NKAIN2: variants seen among roughly 807,000 people sequenced by gnomAD.
The protein encoded by NKAIN2 is sodium/potassium-transporting ATPase subunit beta-1-interacting protein 2.
Under a neutral mutation model 32.6 loss-of-function variants are expected in NKAIN2, and 14 were observed. That is an observed-to-expected ratio of 0.43 (90% CI 0.28 to 0.67). NKAIN2 has a LOEUF of 0.67. Among genes scored for constraint, NKAIN2 ranks in the 30% least tolerant of loss-of-function variants. The probability of loss-of-function intolerance (pLI) is 0.17; values close to 1 mark genes in which losing one functional copy is unlikely to be tolerated. For synonymous variants in NKAIN2, 80 were observed against 87.2 expected (o/e 0.92, Z 0.46); for missense variants, 198 against 258.3 (o/e 0.77, Z 1.60).
At chr6:123,851,002 T>A (rs1775319385) in intron 1 of NKAIN2, among the ~76,000 whole-genome samples, 1 of 152,180 alleles carries the variant, frequency 6.6e-6, no homozygotes, top group Non-Finnish European at 1.5e-5. Flanking sequence ...TTACATATTT[T>A]TTTCGTAAAT....
chr6:124,478,620 G>A (rs1260556808), intron 3 of NKAIN2, among the ~76,000 whole-genome samples: 1 of 152,152 alleles, frequency 6.6e-6, no homozygotes, highest in African/African-American at 2.4e-5. Context: ...AAAATAAATA[G>A]CATAGTATTA....
intron 3 of NKAIN2, among the ~76,000 whole-genome samples, chr6:124,538,944 C>A (rs1218462735): frequency 6.6e-6 from 1 of 152,008 alleles, no homozygotes; most frequent in Non-Finnish European, 1.5e-5. Context: ...TGTAAACTTG[C>A]TCTTTTTTAA....
intron 1 of NKAIN2, among the ~76,000 whole-genome samples, chr6:124,260,654 T>G (rs1020704548): frequency 6.6e-6 from 1 of 152,160 alleles, no homozygotes; most frequent in Admixed American, 6.6e-5. Flanking sequence ...CCTTTTACTC[T>G]GACATGGGAA....
At chr6:124,298,912 A>G (rs551201724) in intron 2 of NKAIN2, among the ~76,000 whole-genome samples, 1 of 152,224 alleles carries the variant, frequency 6.6e-6, no homozygotes, top group Admixed American at 6.5e-5. Context: ...TGTATCAAGG[A>G]TCTCTCCACA....
intron 1 of NKAIN2, among the ~76,000 whole-genome samples, chr6:123,942,823 A>T (rs1776883082): frequency 6.6e-6 from 1 of 152,044 alleles, no homozygotes; most frequent in South Asian, 2.1e-4. Flanking sequence ...AACAGTTGGC[A>T]TCTGTTTTAA....
intron 1 of NKAIN2, among the ~76,000 whole-genome samples, chr6:124,206,116 T>C (rs1371523397): frequency 6.6e-6 from 1 of 151,932 alleles, no homozygotes; most frequent in Non-Finnish European, 1.5e-5. Context: ...CAAGTGTGTT[T>C]GAGTTCTTCC....
At chr6:124,764,769 C>A (rs1778436529) in intron 4 of NKAIN2, among the ~76,000 whole-genome samples, 1 of 152,046 alleles carries the variant, frequency 6.6e-6, no homozygotes, top group Non-Finnish European at 1.5e-5. Context: ...TAAATGGATT[C>A]TTTTATTTTG....
At chr6:124,391,441 A>G (rs1215137623) in intron 3 of NKAIN2, among the ~76,000 whole-genome samples, 2 of 152,104 alleles carry the variant, frequency 1.3e-5, no homozygotes, top group Admixed American at 1.3e-4. Context: ...CCAGGGCCTG[A>G]CACAGAGTAG....
At chr6:124,413,015 C>A (rs619557) in intron 3 of NKAIN2, among the ~76,000 whole-genome samples, 24,608 of 152,098 alleles carry the variant, frequency 0.16, 2,300 homozygotes, top group East Asian at 0.24. Flanking sequence ...TTGTTAAGCC[C>A]GTTGGAAAAG....
intron 3 of NKAIN2, among the ~76,000 whole-genome samples, chr6:124,520,659 T>A (rs557956989): frequency 6.6e-6 from 1 of 152,340 alleles, no homozygotes; most frequent in South Asian, 2.1e-4. Flanking sequence ...AACTGTATTT[T>A]AGGCTCTGGC....
At chr6:123,816,518 A>G (rs1182161739) in intron 1 of NKAIN2, among the ~76,000 whole-genome samples, 1 of 152,172 alleles carries the variant, frequency 6.6e-6, no homozygotes, top group Non-Finnish European at 1.5e-5. Flanking sequence ...AAGAGAACCA[A>G]TTATTTCTCC....
At chr6:124,413,160 C>A (rs535953270) in intron 3 of NKAIN2, among the ~76,000 whole-genome samples, 1 of 152,172 alleles carries the variant, frequency 6.6e-6, no homozygotes, top group Non-Finnish European at 1.5e-5. Context: ...GGCTCACACA[C>A]GGTGAGCTGC....
intron 4 of NKAIN2, among the ~76,000 whole-genome samples, chr6:124,774,584 G>A (rs1335119716): frequency 1.3e-5 from 2 of 152,072 alleles, no homozygotes; most frequent in East Asian, 1.9e-4. Flanking sequence ...GGCTGGGCAC[G>A]GTGGCTCACG....
intron 4 of NKAIN2, among the ~76,000 whole-genome samples, chr6:124,664,793 CAAAAAAAAAAAAAAAA>C (rs57032378): frequency 2.2e-4 from 9 of 40,798 alleles, no homozygotes; most frequent in South Asian, 1.7e-3. Flanking sequence ...GACTCCGTCT[CAAAAAAAAAAAAAAAA>C]AAAAAAAAAA....
chr6:124,477,399 T>C (rs1777263445), intron 3 of NKAIN2, among the ~76,000 whole-genome samples: 1 of 152,134 alleles, frequency 6.6e-6, no homozygotes, highest in Non-Finnish European at 1.5e-5. Context: ...CTCATACAAG[T>C]TGCCAATGAG....
intron 1 of NKAIN2, among the ~76,000 whole-genome samples, chr6:124,179,670 A>G (rs1789340248): frequency 6.6e-6 from 1 of 152,160 alleles, no homozygotes; most frequent in Non-Finnish European, 1.5e-5. Flanking sequence ...CCCATTACCC[A>G]TGGGTAGGCG....
At chr6:124,409,712 T>A (rs998986540) in intron 3 of NKAIN2, among the ~76,000 whole-genome samples, 1 of 152,228 alleles carries the variant, frequency 6.6e-6, no homozygotes, top group East Asian at 1.9e-4. Flanking sequence ...CCTCATAAAA[T>A]GAGTTAGGGA....
chr6:124,400,437 G>A lies in NKAIN2; in HGVS notation c.273+45090G>A, dbSNP rs1244167497. ...GTGGAAAAATTGGGAAAAGGAACTG[G>A]ATTCTATCTATATATTTTTTTAATT... On this transcript the variant is annotated intron_variant, in intron 3 of 6. Transcript: ENST00000368417. 5.3e-5 allele frequency among the ~76,000 whole-genome samples: 8 copies of A among 152,156 alleles called. No individual in the cohort carries two copies. In the East Asian group the frequency reaches 9.7e-4, roughly 18 times the overall value.
chr6:124,009,258 C>T (rs983877197), intron 1 of NKAIN2, among the ~76,000 whole-genome samples: 1 of 152,132 alleles, frequency 6.6e-6, no homozygotes, highest in African/African-American at 2.4e-5. Flanking sequence ...CTTGCCTTCT[C>T]TCTGAAGAGG....
Sources: gnomAD v4.1 joint callset for allele counts (sites outside exome capture counted in the v4.1 genomes callset) on GRCh38, gnomAD v4.1.1 for gene constraint, MANE v1.5 for transcripts, NCBI Gene and HGNC (gene_info 2026-07-23, HGNC 2026-07-21) for gene names.